Variants in ATP6V1B1 observed in about 807,000 individuals in gnomAD.
The protein encoded by ATP6V1B1 is ATPase H+ transporting V1 subunit B1.
In ATP6V1B1, 41 loss-of-function variants were observed where a neutral mutation model predicts 62.1. That is an observed-to-expected ratio of 0.66 (90% CI 0.51 to 0.86). The LOEUF (loss-of-function observed/expected upper bound fraction) is 0.86, where lower values mean the gene tolerates loss of function less well. Among genes scored for constraint, ATP6V1B1 ranks in the 40% least tolerant of loss-of-function variants. The pLI is 0.00. For missense variants in ATP6V1B1, 651 were observed against 697.5 expected (o/e 0.93, Z 0.75); for synonymous variants, 253 against 273.4 (o/e 0.93, Z 0.74).
chr2:70,949,133 AG>A (rs1240022226), intron 2 of ATP6V1B1, among the ~76,000 whole-genome samples: 1 of 152,206 alleles, frequency 6.6e-6, no homozygotes, highest in African/African-American at 2.4e-5. Context: ...CTTTATTCTC[AG>A]CCCCGAAAGA....
intron 2 of ATP6V1B1, among the ~76,000 whole-genome samples, chr2:70,953,648 G>A (rs1238552911): frequency 2.0e-5 from 3 of 152,130 alleles, no homozygotes; most frequent in Non-Finnish European, 2.9e-5. Flanking sequence ...CCATGTTCAC[G>A]AGTGAGATTG....
intron 1 of ATP6V1B1, chr2:70,940,482 C>G (rs948488132): frequency 6.1e-6 from 6 of 985,334 alleles, no homozygotes; most frequent in Middle Eastern, 5.2e-4. Flanking sequence ...TCCTGCCTGC[C>G]CTGCATCCCT....
At chr2:70,964,582 T>C (rs1553420718) in intron 12 of ATP6V1B1, 40 bp downstream of exon 12, 6 of 1,611,020 alleles carry the variant, frequency 3.7e-6, no homozygotes, top group Non-Finnish European at 5.1e-6. Context: ...GGTCCTCTAG[T>C]TTCCGAAGCT....
chr2:70,944,227 G>A, intron 2 of ATP6V1B1: 1 of 1,289,016 alleles, frequency 7.8e-7, no homozygotes, highest in Non-Finnish European at 1.0e-6. Flanking sequence ...AGCAACATGG[G>A]TGGTAAGTGA....
chr2:70,960,863 G>T, intron 6 of ATP6V1B1, 58 bp from the exon 7 acceptor site: 1 of 1,486,888 alleles, frequency 6.7e-7, no homozygotes, highest in Non-Finnish European at 9.2e-7. Context: ...GTGGTGCTCA[G>T]TGGGACAGGG....
rs782092702 is a variant in ATP6V1B1, at chr2:70,960,906, T to A, written c.586-15T>A. On this transcript the variant is annotated splice_polypyrimidine_tract_variant and intron_variant, in intron 6 of 13. Transcript: ENST00000234396. ...CCGACTCTGACGTCCTCCTGCCCAATCCACTCTGCCCTAGATTGCCGCTCA... is the reference window on the plus strand; with the variant it reads ...CCGACTCTGACGTCCTCCTGCCCAAACCACTCTGCCCTAGATTGCCGCTCA... The A allele has an allele frequency of 3.8e-6, 6 of 1,597,262 alleles. No homozygotes were observed. The highest frequency in any genetic ancestry group is 2.3e-5 in the East Asian group (1 of 43,976).
chr2:70,943,614 G>A (rs1680065621), intron 1 of ATP6V1B1, 44 bp from the exon 2 acceptor site: 4 of 1,592,506 alleles, frequency 2.5e-6, no homozygotes, highest in Non-Finnish European at 3.4e-6. Context: ...GTGTGAGCAG[G>A]GTGTTTGGGG....
At chr2:70,954,285 T>G (rs1680385998) in intron 2 of ATP6V1B1, among the ~76,000 whole-genome samples, 1 of 152,238 alleles carries the variant, frequency 6.6e-6, no homozygotes, top group African/African-American at 2.4e-5. Flanking sequence ...ATACAGCTTT[T>G]CACTATTATG....
chr2:70,942,871 G>C (rs1177965206), intron 1 of ATP6V1B1, among the ~76,000 whole-genome samples: 3 of 152,228 alleles, frequency 2.0e-5, no homozygotes, highest in South Asian at 2.1e-4. Flanking sequence ...GCAAGGGACT[G>C]TCCCAGGTCT....
In ATP6V1B1 at chr2:70,960,050, T is replaced by G; in HGVS notation, c.557T>G (p.Phe186Cys). ...SIARGQKIPI[F>C]SAAGLPHNEI... Reference sequence around the variant, plus strand: ...GCCCGCGGCCAGAAGATCCCCATCTTCTCAGCAGCCGGGCTCCCCCACAAT... The same window carrying G: ...GCCCGCGGCCAGAAGATCCCCATCTGCTCAGCAGCCGGGCTCCCCCACAAT... Residue 186 changes from phenylalanine (F) to cysteine (C), a missense_variant, in exon 6 of 14, where the codon TTC becomes TGC. By Grantham distance (205) the Phe-to-Cys change is radical. Transcript: ENST00000234396. The G allele has an allele frequency of 1.9e-6, 3 of 1,614,158 alleles. No homozygotes were observed. Among genetic ancestry groups the G allele is most frequent in the Non-Finnish European group, 2.5e-6 (3 of 1,180,028 alleles).
Position 70,963,687 on chromosome 2 carries a change from C to T in ATP6V1B1, c.1143+33C>T. On this transcript the variant is annotated intron_variant, in intron 11 of 13. Transcript: ENST00000234396. This position sits in a 1 kb window ranked among gnomAD's most constrained non-coding sequence, Gnocchi z 4.3. ...CCTGTCCCTACCCACTTCCTGCTCT[C>T]AGCCCAGAGAAACACTGAGGAACAG... The T allele has an allele frequency of 6.3e-7, 1 of 1,599,850 alleles. No individual in the cohort carries two copies. The highest frequency in any genetic ancestry group is 8.6e-7 in the Non-Finnish European group (1 of 1,167,040).
chr2:70,959,155 T>C lies in ATP6V1B1; in HGVS notation c.445+60T>C. 1 of 1,557,764 alleles carries C rather than the reference T, an allele frequency of 6.4e-7. No homozygotes were observed. Among genetic ancestry groups the C allele is most frequent in the Non-Finnish European group, 8.8e-7 (1 of 1,130,458 alleles). On this transcript the variant is annotated intron_variant, in intron 5 of 13. Coordinates refer to ENST00000234396, the MANE Select transcript of ATP6V1B1 (RefSeq NM_001692.4). This position sits in a 1 kb window ranked among gnomAD's most constrained non-coding sequence, Gnocchi z 4.2. ...CCAGCCCTAACACCTTCCCCACTCT[T>C]GGAAGTTCTGCCCAGACTCACAAGC...
chr2:70,963,106 T>C lies in ATP6V1B1; in HGVS notation c.910-56T>C. The C allele has an allele frequency of 6.4e-7, 1 of 1,573,424 alleles. No homozygotes were observed. Among genetic ancestry groups the C allele is most frequent in the Non-Finnish European group, 8.7e-7 (1 of 1,150,048 alleles). On this transcript the variant is annotated intron_variant, in intron 9 of 13. Transcript: ENST00000234396. The surrounding 1 kb of genome is among the most constrained non-coding windows in gnomAD (Gnocchi z 4.3). Reference sequence around the variant, plus strand: ...GGGTCACTGAACCTCCCACCCACCCTTCCTAGCTTCAGCCTCTCATCCCCT... The same window carrying C: ...GGGTCACTGAACCTCCCACCCACCCCTCCTAGCTTCAGCCTCTCATCCCCT...
chr2:70,943,853 C>T (rs1173079472), intron 2 of ATP6V1B1, 140 bp downstream of exon 2: 4 of 1,289,826 alleles, frequency 3.1e-6, no homozygotes, highest in Non-Finnish European at 4.3e-6. Flanking sequence ...CAGGCACCCA[C>T]TCCCACTCTC....
At chr2:70,942,718 C>T (rs1427663702) in intron 1 of ATP6V1B1, among the ~76,000 whole-genome samples, 1 of 152,206 alleles carries the variant, frequency 6.6e-6, no homozygotes, top group African/African-American at 2.4e-5. Context: ...TTGGGCCACT[C>T]CCCTCTGCAT....
At position 70,964,456 on chromosome 2, in the gene ATP6V1B1, G is replaced by C; in HGVS notation, c.1162G>C (p.Val388Leu). 6.2e-7 allele frequency: 1 copy of C among 1,613,974 alleles called. No individual in the cohort carries two copies. The highest frequency in any genetic ancestry group is 8.5e-7 in the Non-Finnish European group (1 of 1,180,006). The change falls in exon 12 of 14, where the codon GTG becomes CTG. Residue 388 changes from valine (V) to leucine (L), a missense_variant. Val to Leu is a conservative substitution (Grantham distance 32). Coordinates refer to ENST00000234396, the MANE Select transcript of ATP6V1B1 (RefSeq NM_001692.4). ...CCCTCAGATCTACCCCCCCATCAAC[G>C]TGCTCCCTTCCCTGTCGCGGCTGAT... is the stretch of plus-strand genomic sequence containing the variant. ...HNRQIYPPIN[V>L]LPSLSRLMKS...
intron 1 of ATP6V1B1, chr2:70,940,661 T>A (rs1051907189): frequency 2.0e-6 from 2 of 985,360 alleles, no homozygotes; most frequent in African/African-American, 1.7e-5. Context: ...AACAGCCCCT[T>A]AGCCCAGTAC....
chr2:70,940,080 C>T (rs1487011191), intron 1 of ATP6V1B1: 2 of 152,306 alleles, frequency 1.3e-5, no homozygotes, highest in African/African-American at 4.8e-5. Context: ...TGCCTCTAGG[C>T]CCCTTCCAGC....
At chr2:70,945,886 T>C (rs2104809370) in intron 2 of ATP6V1B1, among the ~76,000 whole-genome samples, 1 of 151,718 alleles carries the variant, frequency 6.6e-6, no homozygotes, top group South Asian at 2.1e-4. Flanking sequence ...ATCCCCAGGG[T>C]TGAGAGGTCA....
Sources: allele counts gnomAD v4.1 joint callset (sites outside exome capture counted in the v4.1 genomes callset), GRCh38; gene constraint gnomAD v4.1.1; non-coding constraint Gnocchi (gnomAD v3.1); transcripts MANE v1.5; gene names NCBI Gene and HGNC (gene_info 2026-07-23, HGNC 2026-07-21).